Variants in ZFPM2 observed in about 807,000 individuals in gnomAD.
The protein encoded by ZFPM2 is zinc finger protein, FOG family member 2.
In ZFPM2, 20 loss-of-function variants were observed where a neutral mutation model predicts 98.6. That is an observed-to-expected ratio of 0.20 (90% CI 0.14 to 0.29). ZFPM2 has a LOEUF of 0.29. Ranked by LOEUF, ZFPM2 falls within the 10% of genes least tolerant of loss-of-function variation. ZFPM2 has a pLI of 1.00. For synonymous variants in ZFPM2, 518 were observed against 502.7 expected (o/e 1.03, Z -0.41); for missense variants, 1,310 against 1,388.6 (o/e 0.94, Z 0.90).
intron 4 of ZFPM2, among the ~76,000 whole-genome samples, chr8:105,621,274 A>T (rs1188223479): frequency 6.6e-6 from 1 of 152,052 alleles, no homozygotes; most frequent in Non-Finnish European, 1.5e-5. Context: ...TAGGTATTTT[A>T]TTCTCTTTGA....
intron 4 of ZFPM2, among the ~76,000 whole-genome samples, chr8:105,567,667 A>G (rs1255628093): frequency 6.6e-6 from 1 of 152,154 alleles, no homozygotes; most frequent in Non-Finnish European, 1.5e-5. Flanking sequence ...TAAATTTAAA[A>G]GCAATATCCA....
rs1431079290 is a variant in ZFPM2, at chr8:105,621,355, G to C, written c.421-12891G>C. ...CTGTTATTAGTGTATAGGAATGCTT[G>C]TGATTTTTGCACACTGATTTTGTAT... On this transcript the variant is annotated intron_variant, in intron 4 of 7. Coordinates refer to ENST00000407775, the MANE Select transcript of ZFPM2 (RefSeq NM_012082.4). 4.6e-5 allele frequency among the ~76,000 whole-genome samples: 7 copies of C among 152,146 alleles called. No individual in the cohort carries two copies. The East Asian group carries it at 1.3e-3, about 29-fold the overall frequency.
At chr8:105,464,572 G>A (rs775869769) in intron 3 of ZFPM2, among the ~76,000 whole-genome samples, 3 of 151,802 alleles carry the variant, frequency 2.0e-5, no homozygotes, top group Non-Finnish European at 2.9e-5. Context: ...TGAGACCAGC[G>A]GAGAAGACAA....
chr8:105,700,545 C>T (rs1360821215), intron 5 of ZFPM2, among the ~76,000 whole-genome samples: 3 of 151,900 alleles, frequency 2.0e-5, no homozygotes, highest in African/African-American at 4.8e-5. Context: ...CCACTGTTGA[C>T]CTTATCCCTA....
chr8:105,432,973 G>T (rs72671686), intron 2 of ZFPM2, among the ~76,000 whole-genome samples: 33,520 of 151,776 alleles, frequency 0.22, 4,645 homozygotes, highest in Middle Eastern at 0.35. Flanking sequence ...ATGGTGGCTT[G>T]GGCCTGTTAT....
intron 5 of ZFPM2, among the ~76,000 whole-genome samples, chr8:105,749,054 A>G (rs548527859): frequency 6.6e-6 from 1 of 152,140 alleles, no homozygotes; most frequent in South Asian, 2.1e-4. Flanking sequence ...TTCTTTATTA[A>G]CTCACTTTCC....
At chr8:105,418,856 A>T in intron 1 of ZFPM2, 1 of 548,768 alleles carries the variant, frequency 1.8e-6, no homozygotes, top group South Asian at 1.6e-5. Context: ...TAAAGAGCGA[A>T]TCAAAAAAAT....
intron 4 of ZFPM2, among the ~76,000 whole-genome samples, chr8:105,629,313 C>T (rs1475073555): frequency 6.6e-6 from 1 of 152,140 alleles, no homozygotes; most frequent in Non-Finnish European, 1.5e-5. Flanking sequence ...AGGGAAATAT[C>T]CTGCTTCATA....
At chr8:105,565,001 T>A (rs1188490852) in intron 4 of ZFPM2, among the ~76,000 whole-genome samples, 1 of 152,116 alleles carries the variant, frequency 6.6e-6, no homozygotes, top group African/African-American at 2.4e-5. Context: ...CAAATTTGGA[T>A]TAGCGCACTC....
At chr8:105,342,912 A>G (rs1812455479) in intron 1 of ZFPM2, among the ~76,000 whole-genome samples, 3 of 152,028 alleles carry the variant, frequency 2.0e-5, no homozygotes, top group Admixed American at 6.6e-5. Context: ...GGTCTGGCAC[A>G]TAAAACCAAA....
chr8:105,391,758 T>C (rs531356077), intron 1 of ZFPM2, among the ~76,000 whole-genome samples: 47 of 152,336 alleles, frequency 3.1e-4, no homozygotes, highest in African/African-American at 1.1e-3. Flanking sequence ...GGATCTCCTT[T>C]TAATTCTAGT....
At chr8:105,563,811 A>C (rs1815188794) in intron 4 of ZFPM2, among the ~76,000 whole-genome samples, 1 of 152,190 alleles carries the variant, frequency 6.6e-6, no homozygotes, top group Non-Finnish European at 1.5e-5. Context: ...ACAGTGTATC[A>C]GATACCAATG....
intron 5 of ZFPM2, among the ~76,000 whole-genome samples, chr8:105,664,940 A>G (rs1188165558): frequency 6.6e-6 from 1 of 152,194 alleles, no homozygotes; most frequent in Non-Finnish European, 1.5e-5. Context: ...AATTATTAGG[A>G]TAATTAAGGG....
intron 2 of ZFPM2, among the ~76,000 whole-genome samples, chr8:105,440,287 T>C (rs2094103419): frequency 3.9e-5 from 6 of 152,238 alleles, no homozygotes; most frequent in Admixed American, 3.9e-4. Flanking sequence ...TGGCATGTGA[T>C]ACTGATTTTC....
At chr8:105,452,023 C>G (rs527804485) in intron 3 of ZFPM2, among the ~76,000 whole-genome samples, 3 of 151,996 alleles carry the variant, frequency 2.0e-5, no homozygotes, top group South Asian at 4.2e-4. Flanking sequence ...GAATAATTTG[C>G]GAGAAAAATC....
chr8:105,717,782 A>G (rs142130521), intron 5 of ZFPM2, among the ~76,000 whole-genome samples: 62 of 152,046 alleles, frequency 4.1e-4, no homozygotes, highest in African/African-American at 1.5e-3. Context: ...GTAGCACACT[A>G]TGTTTTCATT....
In ZFPM2 at chr8:105,740,542, TTA is replaced by T. The variant is rs1337369243; in HGVS notation, c.533-48161_533-48160del. 2.2e-3 allele frequency among the ~76,000 whole-genome samples: 315 copies of T among 145,286 alleles called. 1 individual carries two copies. Among genetic ancestry groups the T allele is most frequent in the African/African-American group, 3.2e-3 (128 of 40,102 alleles). The stretch of plus-strand genomic sequence containing the variant: ...GTGTGTGTATGCATATATATATATA[TTA>T]TATATATATATATACATGTGTTATA... On this transcript the variant is annotated intron_variant, in intron 5 of 7. Coordinates refer to ENST00000407775, the MANE Select transcript of ZFPM2 (RefSeq NM_012082.4).
chr8:105,370,349 A>G (rs1257231377), intron 1 of ZFPM2, among the ~76,000 whole-genome samples: 1 of 152,208 alleles, frequency 6.6e-6, no homozygotes, highest in Non-Finnish European at 1.5e-5. Flanking sequence ...AATAAGAACT[A>G]ATTTTCTAGT....
chr8:105,693,092 G>A (rs1810927658), intron 5 of ZFPM2, among the ~76,000 whole-genome samples: 2 of 152,216 alleles, frequency 1.3e-5, no homozygotes, highest in South Asian at 4.1e-4. Context: ...TGTTGAGTTG[G>A]AATAGAAACA....
Sources: gnomAD v4.1 joint callset for allele counts (sites outside exome capture counted in the v4.1 genomes callset) on GRCh38, gnomAD v4.1.1 for gene constraint, MANE v1.5 for transcripts, NCBI Gene and HGNC (gene_info 2026-07-23, HGNC 2026-07-21) for gene names.